Variants in C7 observed in about 807,000 individuals in gnomAD.
C7 encodes complement component C7.
Under a neutral mutation model 104.8 loss-of-function variants are expected in C7, and 83 were observed. The ratio of observed to expected loss-of-function variants is 0.79; its 90% CI spans 0.66 to 0.95. The LOEUF is 0.95. Among genes scored for constraint, C7 ranks in the 40% least tolerant of loss-of-function variants. C7 has a pLI of 0.00. For missense variants in C7, 1,070 were observed against 1,011.2 expected (o/e 1.06, Z -0.79); for synonymous variants, 415 against 360.6 (o/e 1.15, Z -1.71).
At position 40,981,675 on chromosome 5, in the gene C7, C is replaced by T; in HGVS notation, c.*102C>T. On this transcript the variant is annotated 3_prime_UTR_variant, in exon 18 of 18. Transcript: ENST00000313164. ...GCACTGGACAGCTTTTCCTTCTTCTCCAGTGTCTACCTTCCTCCTCAACTC... is the reference window on the plus strand; with the variant it reads ...GCACTGGACAGCTTTTCCTTCTTCTTCAGTGTCTACCTTCCTCCTCAACTC... The T allele has an allele frequency of 1.2e-6, 1 of 812,014 alleles. No homozygotes were observed. The highest frequency in any genetic ancestry group is 2.7e-5 in the East Asian group (1 of 36,368). 50.3% of individuals were successfully genotyped at this position (812,014 alleles called of 1,614,324 possible).
At chr5:40,917,663 T>C (rs1400732727) in intron 1 of C7, among the ~76,000 whole-genome samples, 3 of 152,216 alleles carry the variant, frequency 2.0e-5, no homozygotes, top group Non-Finnish European at 2.9e-5. Context: ...TGCTGAATCA[T>C]ATGCTTGTTC....
At chr5:40,928,494 T>C (rs1313992614) in intron 1 of C7, 86 bp from the exon 2 acceptor site, 2 of 784,414 alleles carry the variant, frequency 2.5e-6, no homozygotes, top group African/African-American at 1.8e-5. Flanking sequence ...TTGTACCCCA[T>C]AAATTTATAC....
At chr5:40,932,513 T>C (rs549811533) in intron 3 of C7, among the ~76,000 whole-genome samples, 50 of 152,228 alleles carry the variant, frequency 3.3e-4, no homozygotes, top group South Asian at 8.3e-4. Flanking sequence ...AATAACAGAA[T>C]CATACCATAG....
intron 14 of C7, among the ~76,000 whole-genome samples, chr5:40,971,720 G>T (rs1228377650): frequency 3.3e-5 from 5 of 152,210 alleles, no homozygotes; most frequent in Admixed American, 2.6e-4. Flanking sequence ...ATGGTTTTAG[G>T]TTTTACATTT....
Position 40,965,648 on chromosome 5 carries a change from A to ATATATT in C7, c.1882+776_1882+777insATATTT, listed in dbSNP as rs35802990. ...TAGTGATATATATATATATATATAT[A>ATATATT]TTTTTTTTTTGGAGACAGAGTCTCA... On this transcript the variant is annotated intron_variant, in intron 14 of 17. Coordinates refer to ENST00000313164, the MANE Select transcript of C7 (RefSeq NM_000587.4). Among the ~76,000 whole-genome samples the ATATATT allele has an allele frequency of 3.6e-3, 470 of 130,296 alleles. 5 individuals carry two copies. The highest frequency in any genetic ancestry group is 0.013 in the African/African-American group (410 of 31,402). 85.5% of individuals were successfully genotyped at this position (130,296 alleles called of 152,430 possible).
intron 13 of C7, 115 bp from the exon 14 acceptor site, chr5:40,964,626 A>G (rs1740504362): frequency 2.3e-6 from 2 of 883,444 alleles, no homozygotes; most frequent in Middle Eastern, 2.5e-4. Flanking sequence ...TTCTGAATCA[A>G]TTAAATGTAG....
chr5:40,956,052 A>G (rs926329465), intron 10 of C7, among the ~76,000 whole-genome samples: 2 of 152,196 alleles, frequency 1.3e-5, no homozygotes, highest in African/African-American at 4.8e-5. Context: ...ATGTGTTTCT[A>G]AAAATCATTG....
chr5:40,941,023 G>C (rs1233393951), intron 6 of C7, among the ~76,000 whole-genome samples: 2 of 150,864 alleles, frequency 1.3e-5, no homozygotes, highest in Admixed American at 1.3e-4. Flanking sequence ...GTGGGAGAGA[G>C]AGAGAAAATG....
chr5:40,981,243 C>T (rs757089020), intron 17 of C7, 149 bp from the exon 18 acceptor site: 1 of 757,720 alleles, frequency 1.3e-6, no homozygotes, highest in Non-Finnish European at 2.1e-6. Context: ...TTTCCTGGTC[C>T]TACTGCTTTT....
chr5:40,955,239 C>T, intron 9 of C7, 148 bp from the exon 10 acceptor site: 2 of 656,808 alleles, frequency 3.0e-6, no homozygotes, highest in South Asian at 4.1e-5. Context: ...CCTTTGTGCT[C>T]TGCCTATTCA....
chr5:40,921,333 C>T (rs1739434081), intron 1 of C7, among the ~76,000 whole-genome samples: 1 of 151,734 alleles, frequency 6.6e-6, no homozygotes, highest in African/African-American at 2.4e-5. Flanking sequence ...GAAAGATATC[C>T]CATGCTCATG....
intron 1 of C7, among the ~76,000 whole-genome samples, chr5:40,921,007 C>T (rs942287804): frequency 9.3e-5 from 14 of 150,408 alleles, no homozygotes; most frequent in African/African-American, 3.0e-4. Context: ...CAAAATGATG[C>T]CACTGCACTT....
intron 13 of C7, among the ~76,000 whole-genome samples, chr5:40,962,408 C>T (rs1457642187): frequency 6.6e-6 from 1 of 152,140 alleles, no homozygotes; most frequent in Admixed American, 6.6e-5. Context: ...CACTGCCACC[C>T]AGTGAATCAA....
intron 15 of C7, among the ~76,000 whole-genome samples, chr5:40,975,902 A>G (rs1038107769): frequency 6.6e-6 from 1 of 152,232 alleles, no homozygotes; most frequent in Non-Finnish European, 1.5e-5. Context: ...TTTATGATGC[A>G]AAAGTGTATG....
At chr5:40,955,343 T>G (rs375758812) in intron 9 of C7, 44 bp from the exon 10 acceptor site, 108 of 1,545,972 alleles carry the variant, frequency 7.0e-5, no homozygotes, top group Non-Finnish European at 9.0e-5. Flanking sequence ...TTTTTTTAAA[T>G]ACTTGATAGA....
At chr5:40,974,688 G>T (rs1327282278) in intron 15 of C7, among the ~76,000 whole-genome samples, 2 of 152,150 alleles carry the variant, frequency 1.3e-5, no homozygotes, top group East Asian at 1.9e-4. Flanking sequence ...AAAGTACTGG[G>T]ATTACAGGCG....
At chr5:40,963,239 A>G (rs1740459446) in intron 13 of C7, among the ~76,000 whole-genome samples, 1 of 152,230 alleles carries the variant, frequency 6.6e-6, no homozygotes, top group Admixed American at 6.5e-5. Flanking sequence ...ACTTAAAACT[A>G]GAGATGGCTC....
At chr5:40,955,594 T>G (rs752378453) in intron 10 of C7, 41 bp downstream of exon 10, 12 of 1,568,680 alleles carry the variant, frequency 7.6e-6, no homozygotes, top group Non-Finnish European at 1.0e-5. Flanking sequence ...AGCAGTCATG[T>G]TTATTTGCAT....
intron 14 of C7, among the ~76,000 whole-genome samples, chr5:40,968,557 TTATATATATTTTATATATATATA>T (rs1456648605): frequency 7.2e-5 from 8 of 110,990 alleles, no homozygotes; most frequent in East Asian, 5.3e-4. Context: ...CTTAAAACAA[TTATATATATTTTATATATATATA>T]TATATATATA....
Sources: gnomAD v4.1 joint callset for allele counts (sites outside exome capture counted in the v4.1 genomes callset) on GRCh38, gnomAD v4.1.1 for gene constraint, MANE v1.5 for transcripts, NCBI Gene and HGNC (gene_info 2026-07-23, HGNC 2026-07-21) for gene names.